ZHX1: variants seen among roughly 807,000 people sequenced by gnomAD.
The protein encoded by ZHX1 is zinc fingers and homeoboxes 1, also known as zinc fingers and homeoboxes protein 1.
ZHX1 carries 20 observed loss-of-function variants against 61.8 expected under a neutral mutation model. The ratio of observed to expected loss-of-function variants is 0.32; its 90% CI spans 0.23 to 0.47. The LOEUF (loss-of-function observed/expected upper bound fraction) is 0.47. Among genes scored for constraint, ZHX1 ranks in the 20% least tolerant of loss-of-function variants. The pLI is 1.00. For missense variants in ZHX1, 800 were observed against 1,034.8 expected (o/e 0.77, Z 3.11); for synonymous variants, 318 against 352.6 (o/e 0.90, Z 1.10).
At chr8:123,260,336 C>T (rs924814243) in intron 2 of ZHX1, among the ~76,000 whole-genome samples, 1 of 152,082 alleles carries the variant, frequency 6.6e-6, no homozygotes, top group Non-Finnish European at 1.5e-5. Context: ...CGGCTGGGTG[C>T]GCCTGTAATC....
chr8:123,266,064 A>G (rs1274729483), intron 2 of ZHX1, among the ~76,000 whole-genome samples: 1 of 152,186 alleles, frequency 6.6e-6, no homozygotes, highest in Non-Finnish European at 1.5e-5. Flanking sequence ...GGACACTAAC[A>G]TCCTAGTTTT....
chr8:123,264,927 G>A (rs547729510), intron 2 of ZHX1, among the ~76,000 whole-genome samples: 67 of 148,272 alleles, frequency 4.5e-4, no homozygotes, highest in African/African-American at 1.5e-3. Context: ...GGTGGCTCAC[G>A]CATGTAATCC....
chr8:123,261,625 A>G (rs1344773144), intron 2 of ZHX1, among the ~76,000 whole-genome samples: 1 of 152,178 alleles, frequency 6.6e-6, no homozygotes, highest in Admixed American at 6.5e-5. Flanking sequence ...ACACTGCAGG[A>G]GGCTTCTAGA....
At position 123,256,061 on chromosome 8, in the gene ZHX1, T is replaced by C; in HGVS notation, c.-115A>G. On this transcript the variant is annotated 5_prime_UTR_variant, in exon 3 of 4. Coordinates refer to ENST00000395571, the MANE Select transcript of ZHX1 (RefSeq NM_007222.5). ...TGGTTCTTCAAGTCCATTTTTGTGC[T>C]CAACAAGTCTCATTAGCAGCTTTCT... 5 of 902,390 alleles carry C rather than the reference T, an allele frequency of 5.5e-6. No homozygotes were observed. Among genetic ancestry groups the C allele is most frequent in the South Asian group, 2.3e-5 (1 of 43,286 alleles). 55.9% of individuals were successfully genotyped at this position (902,390 alleles called of 1,614,324 possible).
chr8:123,261,107 A>G (rs149327226), intron 2 of ZHX1, among the ~76,000 whole-genome samples: 1 of 152,336 alleles, frequency 6.6e-6, no homozygotes, highest in East Asian at 1.9e-4. Flanking sequence ...ATTATTTAAC[A>G]TATTTCTAAA....
In ZHX1 at chr8:123,254,284, C is replaced by T. The variant is rs1826003711; in HGVS notation, c.1663G>A (p.Ala555Thr). ...GGATTCCAGGATTGCTTAGGCTGTGCAGTACCAACAGTTGGGGATTCCGTG... is the reference window on the plus strand; with the variant it reads ...GGATTCCAGGATTGCTTAGGCTGTGTAGTACCAACAGTTGGGGATTCCGTG... ...ETTESPTVGTAQPKQSWNPFP... is the reference protein window; with the variant it reads ...ETTESPTVGTTQPKQSWNPFP... The change falls in exon 3 of 4, where the codon GCA (alanine) becomes ACA (threonine). Residue 555 changes from alanine (A) to threonine (T), a missense_variant. Coordinates refer to ENST00000395571, the MANE Select transcript of ZHX1 (RefSeq NM_007222.5). The surrounding 1 kb of genome is among the most constrained non-coding windows in gnomAD (Gnocchi z 4.1). The T allele has an allele frequency of 1.9e-6, 3 of 1,614,088 alleles. No homozygotes were observed. The highest frequency in any genetic ancestry group is 1.7e-6 in the Non-Finnish European group (2 of 1,180,002).
intron 2 of ZHX1, among the ~76,000 whole-genome samples, chr8:123,261,286 G>A (rs1021690230): frequency 2.6e-5 from 4 of 152,092 alleles, no homozygotes; most frequent in Admixed American, 2.6e-4. Context: ...TAGTACAACT[G>A]CCCCATTTTT....
rs1179566836 is a variant in ZHX1, at chr8:123,253,343, C to T, written c.2604G>A (p.Leu868=). The T allele has an allele frequency of 6.2e-7, 1 of 1,608,902 alleles. No homozygotes were observed. The change falls in exon 3 of 4, where the codon CTG becomes CTA. Residue 868 remains leucine, a synonymous_variant. Coordinates refer to ENST00000395571, the MANE Select transcript of ZHX1 (RefSeq NM_007222.5). ...WEPPRHVKRK[L]SKSDD ...TTACATTTCAGTCATCTGATTTAGA[C>T]AGCTTCCGTTTCACATGTCGTGGAG...
intron 2 of ZHX1, among the ~76,000 whole-genome samples, chr8:123,259,081 G>A (rs1337865157): frequency 6.6e-6 from 1 of 152,144 alleles, no homozygotes; most frequent in Admixed American, 6.5e-5. Context: ...GACTTTGAAG[G>A]ACGGTAAAAT....
intron 1 of ZHX1, among the ~76,000 whole-genome samples, chr8:123,271,784 GA>G (rs1245860899): frequency 2.7e-5 from 4 of 149,184 alleles, no homozygotes; most frequent in African/African-American, 7.4e-5. Flanking sequence ...CCCAATTATT[GA>G]AAAAAAAAGA....
chr8:123,256,930 ATTTT>A (rs1826088738), intron 2 of ZHX1: 1 of 151,830 alleles, frequency 6.6e-6, no homozygotes, highest in African/African-American at 2.4e-5. Context: ...TATTATTATT[ATTTT>A]TTGAGACAGA....
chr8:123,256,609 C>T (rs905344645), intron 2 of ZHX1, among the ~76,000 whole-genome samples: 3 of 151,946 alleles, frequency 2.0e-5, no homozygotes, highest in African/African-American at 4.8e-5. Context: ...ACTAAAAACA[C>T]AAAAATTAGC....
At chr8:123,264,484 T>C (rs1360177959) in intron 2 of ZHX1, among the ~76,000 whole-genome samples, 1 of 152,214 alleles carries the variant, frequency 6.6e-6, no homozygotes, top group Non-Finnish European at 1.5e-5. Flanking sequence ...TCAAATTAAA[T>C]GATTAACAGA....
At chr8:123,250,779 T>A (rs1265527935) in intron 3 of ZHX1, among the ~76,000 whole-genome samples, 1 of 152,248 alleles carries the variant, frequency 6.6e-6, no homozygotes, top group Non-Finnish European at 1.5e-5. Context: ...TGGTGAATCC[T>A]CTTATAAGTG....
chr8:123,253,826 C>T lies in ZHX1; in HGVS notation c.2121G>A (p.Trp707Ter). 6.2e-7 allele frequency: 1 copy of T among 1,614,210 alleles called. No homozygotes were observed. The highest frequency in any genetic ancestry group is 8.5e-7 in the Non-Finnish European group (1 of 1,180,036). Reference sequence around the variant, plus strand: ...TCCAAGCATAACGGGTGTCCCCAAACCAACTAACTATGTCTGTTCTAGCAA... The same window carrying T: ...TCCAAGCATAACGGGTGTCCCCAAATCAACTAACTATGTCTGTTCTAGCAA... The part of the protein sequence containing the change: ...SGLARTDIVS[W>*]FGDTRYAWKN... The change falls in exon 3 of 4, where the codon TGG (tryptophan) becomes TGA (stop). Residue 707 changes from tryptophan to a stop codon, truncating the protein, a stop_gained. Transcript: ENST00000395571. LOFTEE classifies it high-confidence loss of function.
chr8:123,271,693 T>C (rs139647648), intron 1 of ZHX1, among the ~76,000 whole-genome samples: 1 of 152,178 alleles, frequency 6.6e-6, no homozygotes, highest in African/African-American at 2.4e-5. Context: ...TAAAATATAA[T>C]AATACAAAAG....
At chr8:123,265,473 A>G (rs775794485) in intron 2 of ZHX1, among the ~76,000 whole-genome samples, 4 of 152,230 alleles carry the variant, frequency 2.6e-5, no homozygotes, top group Admixed American at 2.0e-4. Context: ...CGGAATGCCT[A>G]AACAGTACAA....
chr8:123,253,684 T>C lies in ZHX1; in HGVS notation c.2263A>G (p.Arg755Gly). 1 of 1,614,238 alleles carries C rather than the reference T, an allele frequency of 6.2e-7. No homozygotes were observed. The highest frequency in any genetic ancestry group is 8.5e-7 in the Non-Finnish European group (1 of 1,180,028). ...CTTCCTCTAGGCCGCCCACGCGGTCTTCCTCTTCCCCGTCCTTTGGGTCTC... is the reference window on the plus strand; with the variant it reads ...CTTCCTCTAGGCCGCCCACGCGGTCCTCCTCTTCCCCGTCCTTTGGGTCTC... ...RGRPKGRGRG[R>G]PRGRPRGSKR... Residue 755 changes from arginine (R) to glycine (G), a missense_variant, in exon 3 of 4, where the codon AGA becomes GGA. Arg to Gly is a moderately radical substitution (Grantham distance 125, BLOSUM62 -2). Coordinates refer to ENST00000395571, the MANE Select transcript of ZHX1 (RefSeq NM_007222.5).
intron 1 of ZHX1, among the ~76,000 whole-genome samples, chr8:123,272,857 T>A (rs934466959): frequency 3.9e-5 from 6 of 152,252 alleles, no homozygotes; most frequent in African/African-American, 1.4e-4. Flanking sequence ...TTTTCCTTTT[T>A]CTGCTATCAC....
Sources: allele counts gnomAD v4.1 joint callset (sites outside exome capture counted in the v4.1 genomes callset), GRCh38; gene constraint gnomAD v4.1.1; non-coding constraint Gnocchi (gnomAD v3.1); transcripts MANE v1.5; gene names NCBI Gene and HGNC (gene_info 2026-07-23, HGNC 2026-07-21).